DNAH14: variants seen among roughly 807,000 people sequenced by gnomAD.
DNAH14 encodes the protein axonemal beta dynein heavy chain 14.
In DNAH14, 478 loss-of-function variants were observed where a neutral mutation model predicts 520.9. The observed-to-expected ratio is 0.92, with a 90% confidence interval of 0.85 to 0.99. The LOEUF (loss-of-function observed/expected upper bound fraction) is 0.99. Ranked by LOEUF, DNAH14 falls within the 50% of genes least tolerant of loss-of-function variation. The pLI is 0.00. For synonymous variants in DNAH14, 1,581 were observed against 1,757.2 expected, an observed-to-expected ratio of 0.90 and a Z score of 2.51; for missense variants, 4,831 against 5,234.5, an observed-to-expected ratio of 0.92 and a Z score of 2.38.
chr1:225,379,651 C>T (rs1397897699), intron 79 of DNAH14, among the ~76,000 whole-genome samples: 1 of 152,130 alleles, frequency 6.6e-6, no homozygotes, highest in Non-Finnish European at 1.5e-5. Context: ...CCTCAGCCTC[C>T]TGAGTAGCTC....
At chr1:224,974,261 C>T in intron 8 of DNAH14, 108 bp downstream of exon 8, 4 of 635,042 alleles carry the variant, frequency 6.3e-6, no homozygotes, top group Non-Finnish European at 2.4e-6. Context: ...TAGAAAGTCA[C>T]ATTCCATTGC....
intron 31 of DNAH14, chr1:225,151,766 G>A (rs2080521982): frequency 1.6e-6 from 1 of 624,920 alleles, no homozygotes; most frequent in South Asian, 1.9e-5. Flanking sequence ...CCAGCCTCAG[G>A]TCCCAGAAAC....
At chr1:225,266,531 C>G in intron 48 of DNAH14, 110 bp from the exon 49 acceptor site, 1 of 748,402 alleles carries the variant, frequency 1.3e-6, no homozygotes, top group East Asian at 3.4e-5. Flanking sequence ...GTGCTTACTC[C>G]ATAGCATAAT....
At chr1:224,959,560 G>T (rs1229394716) in intron 3 of DNAH14, among the ~76,000 whole-genome samples, 1 of 152,012 alleles carries the variant, frequency 6.6e-6, no homozygotes, top group African/African-American at 2.4e-5. Context: ...TTCTTCAAAG[G>T]TCTGTTTTTA....
chr1:225,335,994 TATGC>T (rs1271100465), intron 66 of DNAH14, among the ~76,000 whole-genome samples: 3 of 121,302 alleles, frequency 2.5e-5, no homozygotes, highest in Admixed American at 1.7e-4. Context: ...TATACACACA[TATGC>T]ATATATGTAT....
At chr1:225,122,082 T>C (rs1051626355) in intron 26 of DNAH14, among the ~76,000 whole-genome samples, 5 of 152,116 alleles carry the variant, frequency 3.3e-5, no homozygotes, top group African/African-American at 7.2e-5. Context: ...GATTAAAATG[T>C]AGAAAAAAAG....
intron 1 of DNAH14, among the ~76,000 whole-genome samples, chr1:224,946,229 C>A (rs1026580244): frequency 6.6e-6 from 1 of 152,138 alleles, no homozygotes; most frequent in African/African-American, 2.4e-5. Flanking sequence ...CGGCCTTGCC[C>A]TTTGATCTCA....
intron 64 of DNAH14, among the ~76,000 whole-genome samples, chr1:225,328,080 A>C (rs2094716373): frequency 6.6e-6 from 1 of 152,200 alleles, no homozygotes; most frequent in Non-Finnish European, 1.5e-5. Context: ...TGAGAGAGAG[A>C]TAGACATTCA....
At chr1:224,947,325 T>C (rs2059909061) in intron 1 of DNAH14, among the ~76,000 whole-genome samples, 1 of 152,224 alleles carries the variant, frequency 6.6e-6, no homozygotes, top group Non-Finnish European at 1.5e-5. Context: ...TTAATTCTAC[T>C]ATTAGACTCT....
intron 58 of DNAH14, 134 bp downstream of exon 58, chr1:225,305,223 TAA>T (rs1574646473): frequency 1.9e-6 from 2 of 1,047,690 alleles, no homozygotes; most frequent in East Asian, 5.7e-5. Flanking sequence ...CAGAAGATCT[TAA>T]AAGAGATAAG....
chr1:225,215,638 A>G (rs1477454845), intron 41 of DNAH14, among the ~76,000 whole-genome samples: 1 of 152,014 alleles, frequency 6.6e-6, no homozygotes, highest in Non-Finnish European at 1.5e-5. Flanking sequence ...TGATCCCTTT[A>G]CCATTATGTG....
chr1:225,092,730 TGAG>T (rs2074509036), intron 21 of DNAH14, among the ~76,000 whole-genome samples: 1 of 151,106 alleles, frequency 6.6e-6, no homozygotes, highest in African/African-American at 2.4e-5. Flanking sequence ...AAGACTGAGT[TGAG>T]GAGTTGGTAA....
intron 34 of DNAH14, 102 bp from the exon 35 acceptor site, chr1:225,159,212 A>G (rs1573586013): frequency 4.3e-6 from 4 of 924,978 alleles, no homozygotes; most frequent in African/African-American, 1.7e-5. Context: ...AGGGAAGGAC[A>G]TTGGGATAGC....
chr1:224,929,739 C>A lies in DNAH14; in HGVS notation c.-130C>A. 1 of 702,392 alleles carries A rather than the reference C, an allele frequency of 1.4e-6. No individual in the cohort carries two copies. The highest frequency in any genetic ancestry group is 2.6e-6 in the Non-Finnish European group (1 of 384,834). The allele number at this position is 702,392 out of a possible 1,614,324, so 43.5% of individuals were successfully genotyped here. ...GGTAGGGCTGTGCTGCGCGGTCCTT[C>A]CCATTCACCCTAGTCTGGCGCTCGC... is the stretch of plus-strand genomic sequence containing the variant. On this transcript the variant is annotated 5_prime_UTR_variant, in exon 1 of 86. Transcript: ENST00000682510.
intron 83 of DNAH14, 33 bp downstream of exon 83, chr1:225,389,906 T>G: frequency 6.5e-7 from 1 of 1,547,290 alleles, no homozygotes; most frequent in Non-Finnish European, 8.7e-7. Context: ...GCTCCAGACC[T>G]GGCCCAGGCA....
intron 3 of DNAH14, among the ~76,000 whole-genome samples, chr1:224,955,527 T>G (rs1294215733): frequency 6.6e-6 from 1 of 152,266 alleles, no homozygotes; most frequent in South Asian, 2.1e-4. Flanking sequence ...ATTTTTTAAG[T>G]CTTTTTTCCT....
At chr1:225,015,067 T>G (rs2065101369) in intron 10 of DNAH14, among the ~76,000 whole-genome samples, 1 of 152,206 alleles carries the variant, frequency 6.6e-6, no homozygotes, top group South Asian at 2.1e-4. Context: ...TGTCTATTAT[T>G]ATAGGTTTTC....
chr1:225,095,068 T>A (rs892176376), intron 21 of DNAH14, among the ~76,000 whole-genome samples: 6 of 151,908 alleles, frequency 3.9e-5, no homozygotes. Flanking sequence ...ACATTGCTGC[T>A]GGGGATGTAA....
intron 11 of DNAH14, among the ~76,000 whole-genome samples, chr1:225,033,276 A>T (rs1196236452): frequency 6.6e-6 from 1 of 152,222 alleles, no homozygotes; most frequent in Admixed American, 6.5e-5. Context: ...GAAGGAGTCC[A>T]GCTTCAATCT....
Sources: allele counts gnomAD v4.1 joint callset (sites outside exome capture counted in the v4.1 genomes callset), GRCh38; gene constraint gnomAD v4.1.1; transcripts MANE v1.5; gene names NCBI Gene and HGNC (gene_info 2026-07-23, HGNC 2026-07-21).